CNTRL: variants seen among roughly 807,000 people sequenced by gnomAD.
CNTRL encodes centriolin.
CNTRL carries 233 observed loss-of-function variants against 303.7 expected under a neutral mutation model. The ratio of observed to expected loss-of-function variants is 0.77; its 90% CI spans 0.69 to 0.86. The LOEUF (loss-of-function observed/expected upper bound fraction) is 0.86. CNTRL is among the 40% of genes least tolerant of loss of function. The pLI is 0.00. For synonymous variants in CNTRL, 900 were observed against 922.2 expected (o/e 0.98, Z 0.44); for missense variants, 2,524 against 2,650.6 (o/e 0.95, Z 1.05).
chr9:121,120,654 A>T (rs1269309492), intron 12 of CNTRL, among the ~76,000 whole-genome samples: 1 of 152,186 alleles, frequency 6.6e-6, no homozygotes, highest in African/African-American at 2.4e-5. Context: ...CTATGAGTCT[A>T]ATTAGTAGCT....
In CNTRL at chr9:121,171,156, C is replaced by T. The variant is rs1588339353; in HGVS notation, c.6277-252C>T. ...GATGGGTATTATTATTCTCATTTTA[C>T]AGACAATTAATGAAGACTCAGAAAG... On this transcript the variant is annotated intron_variant, in intron 39 of 43. Transcript: ENST00000373855. 7.5e-6 allele frequency: 4 copies of T among 531,930 alleles called. No homozygotes were observed. The East Asian group carries it at 1.5e-4, about 20-fold the overall frequency. 33.0% of individuals were successfully genotyped at this position (531,930 alleles called of 1,614,324 possible).
chr9:121,113,816 A>G (rs2049859844), intron 10 of CNTRL, 92 bp downstream of exon 10: 3 of 727,836 alleles, frequency 4.1e-6, no homozygotes, highest in Non-Finnish European at 6.1e-6. Flanking sequence ...TTAATTGAAC[A>G]TGTTGATGGT....
chr9:121,154,328 G>C (rs1438515875), intron 26 of CNTRL, among the ~76,000 whole-genome samples: 1 of 152,154 alleles, frequency 6.6e-6, no homozygotes, highest in Non-Finnish European at 1.5e-5. Flanking sequence ...TAGTCTTCAA[G>C]GGCAGCCTAT....
intron 8 of CNTRL, among the ~76,000 whole-genome samples, chr9:121,109,577 C>CTGTG (rs34866494): frequency 0.03 from 4,454 of 150,784 alleles, 96 homozygotes; most frequent in Middle Eastern, 0.052. Flanking sequence ...CAGAGAAAAT[C>CTGTG]TGTGTGTGTG....
intron 14 of CNTRL, among the ~76,000 whole-genome samples, chr9:121,131,063 T>G (rs1345652214): frequency 6.6e-6 from 1 of 152,234 alleles, no homozygotes; most frequent in Non-Finnish European, 1.5e-5. Flanking sequence ...ATGTGGTCAA[T>G]TTTGGAATAA....
At chr9:121,145,471 C>A in intron 22 of CNTRL, 86 bp downstream of exon 22, 1 of 1,312,584 alleles carries the variant, frequency 7.6e-7, no homozygotes, top group Non-Finnish European at 1.0e-6. Context: ...TTAACTGTTA[C>A]AAATCAAGTC....
At position 121,163,326 on chromosome 9, in the gene CNTRL, A is replaced by T. The variant is rs543280331; in HGVS notation, c.5423+1055A>T. 3.6e-3 allele frequency among the ~76,000 whole-genome samples: 490 copies of T among 136,918 alleles called. 4 individuals carry two copies. The highest frequency in any genetic ancestry group is 0.023 in the Middle Eastern group (6 of 264). The allele number at this position is 136,918 out of a possible 152,430, so 89.8% of individuals were successfully genotyped here. A position where few individuals can be genotyped will look rare whatever the true frequency, so the allele number is the denominator to read the frequency against. On this transcript the variant is annotated intron_variant, in intron 34 of 43. Transcript: ENST00000373855. The stretch of plus-strand genomic sequence containing the variant: ...CAGAGTGAGACCCTGTTTCAAAAAA[A>T]AAATATATATATATATACATATTTA...
At chr9:121,146,917 G>A (rs2051898174) in intron 23 of CNTRL, among the ~76,000 whole-genome samples, 1 of 152,214 alleles carries the variant, frequency 6.6e-6, no homozygotes, top group Non-Finnish European at 1.5e-5. Flanking sequence ...TATTGGCTTA[G>A]CAAAGACAAA....
At chr9:121,104,464 T>C (rs2049352829) in intron 7 of CNTRL, among the ~76,000 whole-genome samples, 1 of 152,096 alleles carries the variant, frequency 6.6e-6, no homozygotes, top group Admixed American at 6.6e-5. Flanking sequence ...ACATGGCACG[T>C]GTATACATAT....
At chr9:121,140,569 G>GTT in intron 16 of CNTRL, 72 bp from the exon 17 acceptor site, 1 of 1,364,886 alleles carries the variant, frequency 7.3e-7, no homozygotes, top group Non-Finnish European at 9.9e-7. Context: ...GTCTAGATAT[G>GTT]TTTGTTAGTT....
chr9:121,111,139 A>G (rs1342616070), intron 8 of CNTRL: 1 of 152,096 alleles, frequency 6.6e-6, no homozygotes, highest in Non-Finnish European at 1.5e-5. Context: ...TTCAGTGAAA[A>G]TATCAATGTG....
rs747832580 is a variant in CNTRL, at chr9:121,140,743, G to A, written c.2440G>A (p.Asp814Asn). The change falls in exon 17 of 44, where the codon GAT becomes AAT. Residue 814 changes from aspartate to asparagine, a missense_variant. Asp to Asn is a conservative substitution (Grantham distance 23). Transcript: ENST00000373855. Reference protein sequence around the residue: ...VRPEEVAARVDELRRKLKLGT... With the variant: ...VRPEEVAARVNELRRKLKLGT... ...TCCAGAAGAAGTGGCAGCTCGTGTG[G>A]ATGAGCTAAGAAGAAAACTGAAATT... is the stretch of plus-strand genomic sequence containing the variant. The A allele has an allele frequency of 6.2e-7, 1 of 1,613,464 alleles. No individual in the cohort carries two copies. The highest frequency in any genetic ancestry group is 1.7e-5 in the Admixed American group (1 of 59,972).
At chr9:121,176,868 C>A (rs1348019782) in intron 43 of CNTRL, among the ~76,000 whole-genome samples, 1 of 152,162 alleles carries the variant, frequency 6.6e-6, no homozygotes, top group Non-Finnish European at 1.5e-5. Flanking sequence ...CTGCAAGGTC[C>A]ATCAGAACCA....
rs1305963962 is a variant in CNTRL at position 121,157,845 on chromosome 9, A to G, written c.4602A>G (p.Gln1534=). Reference sequence around the variant, plus strand: ...TAGCAGCAAAAGACTCAGACTTCCAATGTTTAAGCAAGAAGAAGGAAAAAC... The same window carrying G: ...TAGCAGCAAAAGACTCAGACTTCCAGTGTTTAAGCAAGAAGAAGGAAAAAC... ...KIVAAKDSDF[Q]CLSKKKEKLT... The change falls in exon 29 of 44, where the codon CAA becomes CAG. Residue 1534 remains glutamine (Q), a synonymous_variant. Coordinates refer to ENST00000373855, the MANE Select transcript of CNTRL (RefSeq NM_007018.6). 6.2e-7 allele frequency: 1 copy of G among 1,614,160 alleles called. No individual in the cohort carries two copies. The highest frequency in any genetic ancestry group is 8.5e-7 in the Non-Finnish European group (1 of 1,180,022).
At position 121,150,267 on chromosome 9, in the gene CNTRL, G is replaced by A; in HGVS notation, c.3747G>A (p.Val1249=). The A allele has an allele frequency of 1.2e-6, 2 of 1,614,164 alleles. No individual in the cohort carries two copies. The highest frequency in any genetic ancestry group is 1.7e-6 in the Non-Finnish European group (2 of 1,180,018). The stretch of plus-strand genomic sequence containing the variant: ...CTCCTGGATACATGATGTATACTGT[G>A]CTTCCTGATGGTTCTCCTGTACCCC... ...VPPPGYMMYT[V]LPDGSPVPQG... The change falls in exon 25 of 44, where the codon GTG becomes GTA. Residue 1249 remains valine, a synonymous_variant. Transcript: ENST00000373855.
intron 8 of CNTRL, chr9:121,111,128 A>T (rs997310905): frequency 6.6e-6 from 1 of 152,146 alleles, no homozygotes; most frequent in Non-Finnish European, 1.5e-5. Context: ...ACTTATGATC[A>T]TTCAGTGAAA....
At chr9:121,082,371 CT>C (rs1187856185) in intron 2 of CNTRL, among the ~76,000 whole-genome samples, 1 of 152,182 alleles carries the variant, frequency 6.6e-6, no homozygotes, top group Non-Finnish European at 1.5e-5. Flanking sequence ...CTAAGTTAGG[CT>C]TTCAGTTAGT....
intron 11 of CNTRL, among the ~76,000 whole-genome samples, chr9:121,117,474 A>G (rs1324861364): frequency 8.5e-5 from 13 of 152,166 alleles, no homozygotes; most frequent in Admixed American, 8.5e-4. Context: ...TCAATACTCA[A>G]TTTATTGGTT....
At position 121,074,993 on chromosome 9, in the gene CNTRL, G is replaced by A. The variant is rs1401666231; in HGVS notation, c.-279G>A. The A allele has an allele frequency of 8.8e-6, 4 of 455,418 alleles. No individual in the cohort carries two copies. Among genetic ancestry groups the A allele is most frequent in the African/African-American group, 6.0e-5 (3 of 50,094 alleles). 28.2% of individuals were successfully genotyped at this position (455,418 alleles called of 1,614,324 possible). The stretch of plus-strand genomic sequence containing the variant: ...CAACAAAATGGCTGCCGCGCCGCTG[G>A]GCCCCTGAGGAAAGAGCCCGAACTT... On this transcript the variant is annotated 5_prime_UTR_variant, in exon 1 of 44. Coordinates refer to ENST00000373855, the MANE Select transcript of CNTRL (RefSeq NM_007018.6).
Sources: gnomAD v4.1 joint callset for allele counts (sites outside exome capture counted in the v4.1 genomes callset) on GRCh38, gnomAD v4.1.1 for gene constraint, MANE v1.5 for transcripts, NCBI Gene and HGNC (gene_info 2026-07-23, HGNC 2026-07-21) for gene names.